The following CENPP variants were observed in gnomAD, a reference collection of about 807,000 sequenced individuals.
CENPP encodes the protein centromere protein P.
CENPP carries 24 observed loss-of-function variants against 35.6 expected under a neutral mutation model. The ratio of observed to expected loss-of-function variants is 0.67; its 90% CI spans 0.49 to 0.95. The LOEUF (loss-of-function observed/expected upper bound fraction) is 0.95. Among genes scored for constraint, CENPP ranks in the 40% least tolerant of loss-of-function variants. CENPP has a pLI of 0.00. For missense variants in CENPP, 332 were observed against 345.3 expected (o/e 0.96, Z 0.31); for synonymous variants, 120 against 125.5 (o/e 0.96, Z 0.29).
intron 5 of CENPP, among the ~76,000 whole-genome samples, chr9:92,559,241 T>G (rs1167966522): frequency 6.6e-6 from 1 of 152,190 alleles, no homozygotes; most frequent in African/African-American, 2.4e-5. Flanking sequence ...GATGGATCCC[T>G]GTGGTGTCAG....
intron 5 of CENPP, chr9:92,417,332 A>C: frequency 6.2e-7 from 1 of 1,614,042 alleles, no homozygotes; most frequent in East Asian, 2.2e-5. Context: ...ATCACAGTAC[A>C]TTGATGATGG....
chr9:92,565,635 G>T (rs1441627497), intron 5 of CENPP, among the ~76,000 whole-genome samples: 1 of 152,172 alleles, frequency 6.6e-6, no homozygotes, highest in Non-Finnish European at 1.5e-5. Flanking sequence ...AGACAAAGAG[G>T]TAGGTGACTA....
rs550145452 is a variant in CENPP at position 92,409,984 on chromosome 9, T to C, written c.564+30125T>C. On this transcript the variant is annotated intron_variant, in intron 5 of 7. Coordinates refer to ENST00000375587, the MANE Select transcript of CENPP (RefSeq NM_001012267.3). ...CGGAGTCTTGCTCAGTCACCCAGGCTGGAGCTCAGTGGTTCAATCTCGGCT... is the reference window on the plus strand; with the variant it reads ...CGGAGTCTTGCTCAGTCACCCAGGCCGGAGCTCAGTGGTTCAATCTCGGCT... 3.9e-5 allele frequency among the ~76,000 whole-genome samples: 6 copies of C among 152,314 alleles called. No individual in the cohort carries two copies. In the South Asian group the frequency reaches 8.3e-4, roughly 21 times the overall value.
At chr9:92,350,015 A>G (rs1394563722) in intron 4 of CENPP, among the ~76,000 whole-genome samples, 1 of 152,188 alleles carries the variant, frequency 6.6e-6, no homozygotes, top group Non-Finnish European at 1.5e-5. Context: ...ACTGTTTTGT[A>G]TTCCCACCAG....
chr9:92,400,331 A>T (rs886158537), intron 5 of CENPP, among the ~76,000 whole-genome samples: 17 of 151,934 alleles, frequency 1.1e-4, no homozygotes, highest in African/African-American at 4.1e-4. Flanking sequence ...TTGTATTTTT[A>T]GTAGAGACAG....
chr9:92,589,719 T>G (rs1338130504), intron 5 of CENPP, among the ~76,000 whole-genome samples: 1 of 152,216 alleles, frequency 6.6e-6, no homozygotes, highest in African/African-American at 2.4e-5. Flanking sequence ...TTACGAAAGA[T>G]TTCAACTAAG....
intron 7 of CENPP, 149 bp downstream of exon 7, chr9:92,612,763 C>T (rs1208196253): frequency 1.4e-6 from 1 of 710,398 alleles, no homozygotes; most frequent in East Asian, 2.7e-5. Flanking sequence ...ATATTTTTAT[C>T]AATAATCACT....
intron 5 of CENPP, chr9:92,495,831 C>T: frequency 1.0e-6 from 1 of 964,466 alleles, no homozygotes; most frequent in Non-Finnish European, 1.2e-6. Context: ...GTAATTATAG[C>T]ACAGGACCTT....
intron 5 of CENPP, among the ~76,000 whole-genome samples, chr9:92,553,279 T>G (rs1048682099): frequency 3.3e-5 from 5 of 152,268 alleles, no homozygotes; most frequent in African/African-American, 1.2e-4. Context: ...TATGCCTATT[T>G]TTATACCAGT....
At chr9:92,461,615 G>A (rs1845114963) in intron 5 of CENPP, among the ~76,000 whole-genome samples, 1 of 152,148 alleles carries the variant, frequency 6.6e-6, no homozygotes, top group Middle Eastern at 3.2e-3. Flanking sequence ...CAGATGCAGA[G>A]AGACATTCAG....
chr9:92,359,340 T>G (rs915773080), intron 4 of CENPP, among the ~76,000 whole-genome samples: 14 of 152,172 alleles, frequency 9.2e-5, no homozygotes, highest in African/African-American at 3.4e-4. Context: ...ACCCCCAAAG[T>G]CAGATTCTCC....
At chr9:92,559,862 C>G (rs1484512676) in intron 5 of CENPP, among the ~76,000 whole-genome samples, 1 of 152,122 alleles carries the variant, frequency 6.6e-6, no homozygotes, top group African/African-American at 2.4e-5. Context: ...AGATGTAACA[C>G]AAATCAAGGA....
intron 5 of CENPP, among the ~76,000 whole-genome samples, chr9:92,513,954 T>A (rs1299392651): frequency 6.6e-6 from 1 of 152,172 alleles, no homozygotes; most frequent in East Asian, 1.9e-4. Flanking sequence ...CAGTAGGAAA[T>A]CATCATTTGA....
chr9:92,362,501 A>G (rs1041199812), intron 4 of CENPP, among the ~76,000 whole-genome samples: 1 of 152,208 alleles, frequency 6.6e-6, no homozygotes, highest in Non-Finnish European at 1.5e-5. Flanking sequence ...CAAATTCTGC[A>G]TAGATGATAT....
intron 5 of CENPP, among the ~76,000 whole-genome samples, chr9:92,390,862 A>ATGCCT (rs1842648193): frequency 6.6e-6 from 1 of 152,182 alleles, no homozygotes. Context: ...ACTATAACTC[A>ATGCCT]TGCCTGAACA....
rs377339429 is a variant in CENPP, at chr9:92,549,646, CAAAAA to C, written c.565-61660_565-61656del. Reference sequence around the variant, plus strand: ...TGAGTGGGAGAGCATGACTCCGTCTCAAAAAAAAAAAACAAAACAAAACAAAACTA... The same window carrying C: ...TGAGTGGGAGAGCATGACTCCGTCTCAAAAAAACAAAACAAAACAAAACTA... On this transcript the variant is annotated intron_variant, in intron 5 of 7. Coordinates refer to ENST00000375587, the MANE Select transcript of CENPP (RefSeq NM_001012267.3). Among the ~76,000 whole-genome samples, 3 of 90,610 alleles carry C rather than the reference CAAAAA, an allele frequency of 3.3e-5. 1 individual carries two copies. The highest frequency in any genetic ancestry group is 5.1e-4 in the East Asian group (2 of 3,934). 59.4% of individuals were successfully genotyped at this position (90,610 alleles called of 152,430 possible).
intron 4 of CENPP, among the ~76,000 whole-genome samples, chr9:92,354,181 C>G (rs1225215593): frequency 6.6e-6 from 1 of 152,214 alleles, no homozygotes; most frequent in Non-Finnish European, 1.5e-5. Flanking sequence ...GCATTGCATG[C>G]AGTATAGGCA....
chr9:92,552,146 A>G (rs181357960), intron 5 of CENPP, among the ~76,000 whole-genome samples: 3 of 144,448 alleles, frequency 2.1e-5, no homozygotes, highest in Non-Finnish European at 4.5e-5. Flanking sequence ...TATATGTGAT[A>G]TGATAGATCT....
intron 5 of CENPP, among the ~76,000 whole-genome samples, chr9:92,486,825 A>G (rs1416953469): frequency 1.4e-5 from 2 of 147,484 alleles, no homozygotes; most frequent in Non-Finnish European, 3.0e-5. Flanking sequence ...TCTGTCACCC[A>G]GGCTGGAGGG....
Sources: gnomAD v4.1 joint callset for allele counts (sites outside exome capture counted in the v4.1 genomes callset) on GRCh38, gnomAD v4.1.1 for gene constraint, MANE v1.5 for transcripts, NCBI Gene and HGNC (gene_info 2026-07-23, HGNC 2026-07-21) for gene names.